ADGRB3: variants seen among roughly 807,000 people sequenced by gnomAD.
ADGRB3 encodes the protein adhesion G protein-coupled receptor B3.
A neutral mutation model predicts 193.4 loss-of-function variants in ADGRB3; 37 were observed. That is an observed-to-expected ratio of 0.19 (90% CI 0.15 to 0.25). The LOEUF (loss-of-function observed/expected upper bound fraction) is 0.25, where lower values mean the gene tolerates loss of function less well. Among genes scored for constraint, ADGRB3 ranks in the 10% least tolerant of loss-of-function variants. ADGRB3 has a pLI of 1.00. For synonymous variants in ADGRB3, 690 were observed against 644.2 expected, an observed-to-expected ratio of 1.07 and a Z score of -1.08; for missense variants, 1,637 against 1,852.9, an observed-to-expected ratio of 0.88 and a Z score of 2.14.
At chr6:68,955,485 A>G (rs1768047403) in intron 6 of ADGRB3, among the ~76,000 whole-genome samples, 1 of 152,240 alleles carries the variant, frequency 6.6e-6, no homozygotes, top group Non-Finnish European at 1.5e-5. Context: ...TGAAGAAATA[A>G]GTGAATCAAA....
intron 3 of ADGRB3, among the ~76,000 whole-genome samples, chr6:68,808,167 T>C (rs1018531983): frequency 6.6e-6 from 1 of 152,190 alleles, no homozygotes; most frequent in Non-Finnish European, 1.5e-5. Context: ...GATTGTTCCT[T>C]TTTTTATTTT....
At chr6:69,293,829 T>TG (rs1290536321) in intron 20 of ADGRB3, among the ~76,000 whole-genome samples, 1 of 149,970 alleles carries the variant, frequency 6.7e-6, no homozygotes, top group Non-Finnish European at 1.5e-5. Flanking sequence ...TGGAAGGGGG[T>TG]GGGGGGATGG....
intron 3 of ADGRB3, among the ~76,000 whole-genome samples, chr6:68,767,076 AAT>A (rs1562020934): frequency 6.6e-6 from 1 of 152,104 alleles, no homozygotes; most frequent in Non-Finnish European, 1.5e-5. Context: ...CTTCCATTAA[AAT>A]AAGCGTTCTT....
At chr6:69,142,430 A>G (rs1774366146) in intron 17 of ADGRB3, among the ~76,000 whole-genome samples, 1 of 152,174 alleles carries the variant, frequency 6.6e-6, no homozygotes, top group Non-Finnish European at 1.5e-5. Flanking sequence ...CATTTAGTTT[A>G]GTTGGTTAAG....
intron 3 of ADGRB3, among the ~76,000 whole-genome samples, chr6:68,890,343 T>G (rs1000581150): frequency 6.6e-6 from 1 of 152,228 alleles, no homozygotes; most frequent in Non-Finnish European, 1.5e-5. Flanking sequence ...GAACATTTTA[T>G]GCTTCTTTCC....
intron 17 of ADGRB3, among the ~76,000 whole-genome samples, chr6:69,117,308 A>G (rs1204880854): frequency 1.3e-5 from 2 of 152,226 alleles, no homozygotes; most frequent in Admixed American, 1.3e-4. Context: ...GGACTACATT[A>G]CTTTCTGTTA....
chr6:68,853,663 A>C (rs2127391874), intron 3 of ADGRB3, among the ~76,000 whole-genome samples: 1 of 152,234 alleles, frequency 6.6e-6, no homozygotes, highest in Non-Finnish European at 1.5e-5. Context: ...GAATATTTTC[A>C]GAATTTGTCC....
chr6:69,084,419 C>A (rs1312300243), intron 17 of ADGRB3, among the ~76,000 whole-genome samples: 2 of 152,128 alleles, frequency 1.3e-5, no homozygotes, highest in African/African-American at 2.4e-5. Context: ...AATTTTCTAG[C>A]ATGGTAATAA....
At chr6:69,313,388 C>T (rs75719288) in intron 20 of ADGRB3, among the ~76,000 whole-genome samples, 3 of 151,720 alleles carry the variant, frequency 2.0e-5, no homozygotes, top group Non-Finnish European at 2.9e-5. Context: ...TCTGTTATAC[C>T]AACAAGACCA....
intron 20 of ADGRB3, among the ~76,000 whole-genome samples, chr6:69,266,243 A>C (rs1214450072): frequency 1.3e-5 from 2 of 152,022 alleles, no homozygotes; most frequent in African/African-American, 4.8e-5. Flanking sequence ...TCAAAGGATG[A>C]TGTAGGGTGT....
intron 3 of ADGRB3, among the ~76,000 whole-genome samples, chr6:68,779,168 T>C (rs1766806305): frequency 6.6e-6 from 1 of 151,870 alleles, no homozygotes; most frequent in South Asian, 2.1e-4. Flanking sequence ...ATACTGCCCA[T>C]ATATGGCTGC....
At chr6:69,282,486 A>G (rs1235048676) in intron 20 of ADGRB3, among the ~76,000 whole-genome samples, 2 of 152,200 alleles carry the variant, frequency 1.3e-5, no homozygotes, top group African/African-American at 4.8e-5. Context: ...AGGTCACTCC[A>G]TCTAAGTAAT....
intron 13 of ADGRB3, among the ~76,000 whole-genome samples, chr6:69,025,270 GTTCT>G (rs1396127881): frequency 2.6e-5 from 4 of 152,040 alleles, no homozygotes; most frequent in Admixed American, 6.6e-5. Flanking sequence ...CCAAACCTAT[GTTCT>G]TTCTTATATT....
intron 3 of ADGRB3, among the ~76,000 whole-genome samples, chr6:68,919,008 T>A (rs1329896268): frequency 6.6e-6 from 1 of 152,120 alleles, no homozygotes; most frequent in Non-Finnish European, 1.5e-5. Flanking sequence ...CCCACCATTT[T>A]TCTGGACATG....
intron 3 of ADGRB3, among the ~76,000 whole-genome samples, chr6:68,872,910 A>C (rs570593796): frequency 6.6e-6 from 1 of 152,188 alleles, no homozygotes; most frequent in East Asian, 1.9e-4. Context: ...TTTGTTGCTG[A>C]TCAAGCTCAA....
chr6:69,176,078 T>C (rs560867579), intron 17 of ADGRB3, among the ~76,000 whole-genome samples: 25 of 152,202 alleles, frequency 1.6e-4, no homozygotes, highest in South Asian at 4.1e-4. Flanking sequence ...AATTATATCA[T>C]CAACAAAGAG....
At chr6:68,861,689 G>T (rs898422960) in intron 3 of ADGRB3, among the ~76,000 whole-genome samples, 2 of 152,126 alleles carry the variant, frequency 1.3e-5, no homozygotes, top group Non-Finnish European at 2.9e-5. Flanking sequence ...TTTCCAAATT[G>T]TAGGTTATTC....
intron 20 of ADGRB3, among the ~76,000 whole-genome samples, chr6:69,306,935 T>C (rs1273329484): frequency 6.6e-6 from 1 of 151,452 alleles, no homozygotes; most frequent in African/African-American, 2.4e-5. Flanking sequence ...CTTGAGATCA[T>C]AGCCTCTTAT....
intron 16 of ADGRB3, among the ~76,000 whole-genome samples, chr6:69,071,646 T>C (rs562782822): frequency 6.6e-5 from 10 of 152,312 alleles, no homozygotes; most frequent in African/African-American, 2.4e-4. Context: ...AAAAACATGT[T>C]TGTCAAGAAT....
Sources: gnomAD v4.1 joint callset for allele counts (sites outside exome capture counted in the v4.1 genomes callset) on GRCh38, gnomAD v4.1.1 for gene constraint, MANE v1.5 for transcripts, NCBI Gene and HGNC (gene_info 2026-07-23, HGNC 2026-07-21) for gene names.